CDH18: variants seen among roughly 807,000 people sequenced by gnomAD.
CDH18 encodes the protein cadherin 18.
Under a neutral mutation model 67.9 loss-of-function variants are expected in CDH18, and 31 were observed. That is an observed-to-expected ratio of 0.46 (90% CI 0.34 to 0.62). The LOEUF is 0.62. Among genes scored for constraint, CDH18 ranks in the 20% least tolerant of loss-of-function variants. The pLI is 0.01. For synonymous variants in CDH18, 362 were observed against 347.2 expected (o/e 1.04, Z -0.48); for missense variants, 890 against 975.5 (o/e 0.91, Z 1.17).
At position 20,431,504 on chromosome 5, in the gene CDH18, A is replaced by AAAGAAG. The variant is rs1553997937; in HGVS notation, c.-580+143952_-580+143957dup. On this transcript the variant is annotated intron_variant, in intron 1 of 14. Transcript: ENST00000507958. ...GTGAAACTCAAAAAAAAAAAAAAAA[A>AAAGAAG]AAGAAGAAGAAAAGAAGAATAGAAA... Among the ~76,000 whole-genome samples the AAAGAAG allele has an allele frequency of 7.7e-3, 1,066 of 138,418 alleles. 24 individuals are homozygous for AAAGAAG. The highest frequency in any genetic ancestry group is 0.012 in the East Asian group (55 of 4,468). 90.8% of individuals were successfully genotyped at this position (138,418 alleles called of 152,430 possible).
At chr5:19,594,464 A>C (rs541921932) in intron 6 of CDH18, among the ~76,000 whole-genome samples, 1 of 152,048 alleles carries the variant, frequency 6.6e-6, no homozygotes, top group East Asian at 1.9e-4. Flanking sequence ...TTTTAAAGAG[A>C]CTATCCTTTT....
At chr5:20,374,614 T>A (rs1378029257) in intron 1 of CDH18, among the ~76,000 whole-genome samples, 2 of 152,216 alleles carry the variant, frequency 1.3e-5, no homozygotes, top group Non-Finnish European at 2.9e-5. Flanking sequence ...TTTAGACCAA[T>A]TCAATATAAA....
chr5:20,482,593 T>C (rs1752891468), intron 1 of CDH18, among the ~76,000 whole-genome samples: 3 of 152,108 alleles, frequency 2.0e-5, no homozygotes, highest in Admixed American at 2.0e-4. Flanking sequence ...GCAAAATTTA[T>C]TCTAGAGATT....
chr5:19,843,785 A>G lies in CDH18; in HGVS notation c.-256-4543T>C, dbSNP rs1159270089. Among the ~76,000 whole-genome samples the G allele has an allele frequency of 2.0e-5, 3 of 152,192 alleles. No homozygotes were observed. In the East Asian group the frequency reaches 5.8e-4, roughly 29 times the overall value. On this transcript the variant is annotated intron_variant, in intron 2 of 12. Transcript: ENST00000382275. ...AGCTACCCTAGGCCATGGGAGCCCA[A>G]CCTTTGCATCTGTGTGCCCTGCATG...
rs181357477 is a variant in CDH18, at chr5:19,969,718, T to A, written c.-257+11342A>T. Reference sequence around the variant, plus strand: ...GTGTGGTGGGGGGAGCGGGGAGGGATAGCATTAGGAGATATACCTAATGCT... The same window carrying A: ...GTGTGGTGGGGGGAGCGGGGAGGGAAAGCATTAGGAGATATACCTAATGCT... On this transcript the variant is annotated intron_variant, in intron 2 of 12. Transcript: ENST00000382275. Among the ~76,000 whole-genome samples the A allele has an allele frequency of 2.1e-3, 306 of 142,772 alleles. 4 individuals carry two copies. Among genetic ancestry groups the A allele is most frequent in the African/African-American group, 7.4e-3 (288 of 39,010 alleles). The allele number at this position is 142,772 out of a possible 152,430, so 93.7% of individuals were successfully genotyped here.
chr5:20,240,582 T>C (rs1742821050), intron 2 of CDH18, among the ~76,000 whole-genome samples: 2 of 152,346 alleles, frequency 1.3e-5, no homozygotes, highest in African/African-American at 4.8e-5. Context: ...GCAATAATAT[T>C]TGAATGTATA....
At chr5:19,833,138 T>G (rs1294395353) in intron 3 of CDH18, among the ~76,000 whole-genome samples, 1 of 152,184 alleles carries the variant, frequency 6.6e-6, no homozygotes, top group Non-Finnish European at 1.5e-5. Context: ...TTCATGATAT[T>G]GATTCTTCCT....
At chr5:20,273,972 A>G (rs4866177) in intron 1 of CDH18, among the ~76,000 whole-genome samples, 52,135 of 151,990 alleles carry the variant, frequency 0.34, 9,142 homozygotes, top group South Asian at 0.39. Flanking sequence ...GTAGGCTCTA[A>G]TCCATCATGA....
At chr5:20,031,390 C>A (rs552179874) in intron 2 of CDH18, among the ~76,000 whole-genome samples, 3 of 151,996 alleles carry the variant, frequency 2.0e-5, no homozygotes, top group Admixed American at 6.6e-5. Flanking sequence ...GTATAATGTT[C>A]GGTATGCTAG....
intron 10 of CDH18, among the ~76,000 whole-genome samples, chr5:19,505,141 TC>T (rs1461132956): frequency 6.6e-6 from 1 of 152,112 alleles, no homozygotes; most frequent in Non-Finnish European, 1.5e-5. Context: ...AGAGAGAAAC[TC>T]CTTGTGATTT....
intron 1 of CDH18, among the ~76,000 whole-genome samples, chr5:20,423,814 A>G (rs1184889412): frequency 5.3e-5 from 8 of 149,902 alleles, no homozygotes; most frequent in Non-Finnish European, 7.4e-5. Context: ...GGGCGTGGTG[A>G]TGGGCGCCTG....
chr5:19,721,573 T>C lies in CDH18; in HGVS notation c.524-107A>G, dbSNP rs191565929. The C allele has an allele frequency of 2.9e-3, 2,542 of 874,040 alleles. 3 individuals are homozygous for C. Among genetic ancestry groups the C allele is most frequent in the Non-Finnish European group, 3.7e-3 (2,212 of 592,816 alleles). 54.1% of individuals were successfully genotyped at this position (874,040 alleles called of 1,614,324 possible). A position where few individuals can be genotyped will look rare whatever the true frequency, so the allele number is the denominator to read the frequency against. On this transcript the variant is annotated intron_variant, in intron 4 of 12. Transcript: ENST00000382275. ...AAATAGCTATGGAGATCAGTACTGG[T>C]TGTGTCCTAGTAAATTTAATTAAAT...
chr5:19,931,517 A>T (rs1358178227), intron 2 of CDH18, among the ~76,000 whole-genome samples: 1 of 151,956 alleles, frequency 6.6e-6, no homozygotes, highest in Non-Finnish European at 1.5e-5. Context: ...TTTTTCTGCT[A>T]TAAATACAAG....
intron 1 of CDH18, among the ~76,000 whole-genome samples, chr5:20,428,951 C>T (rs959644743): frequency 6.6e-6 from 1 of 152,066 alleles, no homozygotes; most frequent in African/African-American, 2.4e-5. Flanking sequence ...GAGCTATGTG[C>T]GTTTTTACTG....
At chr5:20,032,634 C>T (rs1739502922) in intron 2 of CDH18, among the ~76,000 whole-genome samples, 1 of 151,852 alleles carries the variant, frequency 6.6e-6, no homozygotes, top group African/African-American at 2.4e-5. Flanking sequence ...TATAGTTATA[C>T]AGTTTCTAGT....
At chr5:20,137,564 ATCT>A (rs1272097187) in intron 2 of CDH18, among the ~76,000 whole-genome samples, 1 of 151,910 alleles carries the variant, frequency 6.6e-6, no homozygotes, top group Non-Finnish European at 1.5e-5. Flanking sequence ...GTTATTACTG[ATCT>A]TCTGAGGCCT....
At chr5:19,614,190 A>C (rs2150117954) in intron 5 of CDH18, among the ~76,000 whole-genome samples, 1 of 152,102 alleles carries the variant, frequency 6.6e-6, no homozygotes, top group East Asian at 1.9e-4. Context: ...TTGAATATAA[A>C]AAAGTAAATC....
chr5:19,540,873 G>C (rs974156525), intron 9 of CDH18, among the ~76,000 whole-genome samples: 1 of 152,184 alleles, frequency 6.6e-6, no homozygotes, highest in African/African-American at 2.4e-5. Context: ...ATGCCCTGGA[G>C]ACATTTTCCC....
At chr5:19,718,170 G>T (rs1765569117) in intron 5 of CDH18, among the ~76,000 whole-genome samples, 1 of 151,856 alleles carries the variant, frequency 6.6e-6, no homozygotes, top group Admixed American at 6.6e-5. Context: ...GAGCACAATG[G>T]TTAATAAAAT....
Sources: allele counts gnomAD v4.1 joint callset (sites outside exome capture counted in the v4.1 genomes callset), GRCh38; gene constraint gnomAD v4.1.1; transcripts MANE v1.5; gene names NCBI Gene and HGNC (gene_info 2026-07-23, HGNC 2026-07-21).